Variants in PTDSS2 observed in about 807,000 individuals in gnomAD.
PTDSS2 encodes the protein phosphatidylserine synthase 2, also known as PSS-2.
PTDSS2 carries 41 observed loss-of-function variants against 64.7 expected under a neutral mutation model. That is an observed-to-expected ratio of 0.63 (90% CI 0.49 to 0.82). The LOEUF (loss-of-function observed/expected upper bound fraction) is 0.82, where lower values mean the gene tolerates loss of function less well. Ranked by LOEUF, PTDSS2 falls within the 40% of genes least tolerant of loss-of-function variation. The pLI, the probability that PTDSS2 is intolerant of heterozygous loss-of-function variation, is 0.00. For missense variants in PTDSS2, 485 were observed against 650.0 expected, an observed-to-expected ratio of 0.75 and a Z score of 2.76; for synonymous variants, 297 against 277.8, an observed-to-expected ratio of 1.07 and a Z score of -0.69.
At chr11:471,579 G>A (rs536053432) in intron 2 of PTDSS2, among the ~76,000 whole-genome samples, 80 of 152,016 alleles carry the variant, frequency 5.3e-4, no homozygotes, top group African/African-American at 1.8e-3. Context: ...GGCGGAGGGC[G>A]GCCTGGGGTG....
intron 1 of PTDSS2, chr11:451,515 GA>G: frequency 2.9e-6 from 1 of 340,752 alleles, no homozygotes; most frequent in Non-Finnish European, 6.3e-6. Context: ...CCATCCTGTG[GA>G]AGGCCCGGGG....
Position 489,927 on chromosome 11 carries a change from C to A in PTDSS2, c.1160C>A (p.Ala387Asp). Residue 387 changes from alanine (A) to aspartate (D), a missense_variant, in exon 11 of 12, where the codon GCC (alanine) becomes GAC (aspartate). Physicochemically the swap from Ala to Asp is moderately radical, Grantham distance 126. Transcript: ENST00000308020. ...GGCCCGCAGGCCTGGCTGGTGGCGGCCATCACGGCCACGGAGCTGCTCATC... is the reference window on the plus strand; with the variant it reads ...GGCCCGCAGGCCTGGCTGGTGGCGGACATCACGGCCACGGAGCTGCTCATC... ...KLGPQAWLVAAITATELLIVV... is the reference protein window; with the variant it reads ...KLGPQAWLVADITATELLIVV... 3.7e-6 allele frequency: 6 copies of A among 1,604,936 alleles called. No individual in the cohort carries two copies. Among genetic ancestry groups the A allele is most frequent in the Non-Finnish European group, 5.1e-6 (6 of 1,177,840 alleles).
intron 2 of PTDSS2, among the ~76,000 whole-genome samples, chr11:466,733 A>G (rs1241622362): frequency 5.3e-5 from 8 of 152,004 alleles, no homozygotes; most frequent in Admixed American, 1.3e-4. Flanking sequence ...TAAAACCATC[A>G]GCTCTCGTGA....
At chr11:472,045 C>G (rs1226899855) in intron 2 of PTDSS2, among the ~76,000 whole-genome samples, 13 of 127,414 alleles carry the variant, frequency 1.0e-4, no homozygotes, top group Non-Finnish European at 3.3e-5. Flanking sequence ...GCCTGTCGGG[C>G]GGATGGTGGC....
chr11:489,374 C>A, intron 8 of PTDSS2, 26 bp from the exon 9 acceptor site: 1 of 1,595,738 alleles, frequency 6.3e-7, no homozygotes. Flanking sequence ...CTGCCTTCCT[C>A]AGGCTGCCGG....
rs1848634079 is a variant in PTDSS2, at chr11:490,638, C to G, written c.*56C>G. On this transcript the variant is annotated 3_prime_UTR_variant, in exon 12 of 12. Coordinates refer to ENST00000308020, the MANE Select transcript of PTDSS2 (RefSeq NM_030783.3). ...AGAGCCCAGGCCTCCGTGGCCTCCTCCTGTGTGAGTCCCACCAGGAGCCAC... is the reference window on the plus strand; with the variant it reads ...AGAGCCCAGGCCTCCGTGGCCTCCTGCTGTGTGAGTCCCACCAGGAGCCAC... The G allele has an allele frequency of 2.7e-6, 4 of 1,502,670 alleles. No individual in the cohort carries two copies. The highest frequency in any genetic ancestry group is 3.6e-6 in the Non-Finnish European group (4 of 1,116,694). The allele number at this position is 1,502,670 out of a possible 1,614,324, so 93.1% of individuals were successfully genotyped here.
chr11:458,534 A>C (rs1478679315), intron 1 of PTDSS2: 1 of 100,372 alleles, frequency 1.0e-5, no homozygotes, highest in Non-Finnish European at 2.0e-5. Context: ...TTTTTTTGAG[A>C]CAGATCTTGC....
At chr11:488,781 G>A in intron 8 of PTDSS2, 134 bp downstream of exon 8, 1 of 690,026 alleles carries the variant, frequency 1.4e-6, no homozygotes, top group Non-Finnish European at 2.6e-6. Flanking sequence ...GTGGGGCTTT[G>A]CCTCCTGGAA....
rs375998427 is a variant in PTDSS2 at position 487,097 on chromosome 11, C to T, written c.570+24C>T. On this transcript the variant is annotated intron_variant, in intron 5 of 11. Coordinates refer to ENST00000308020, the MANE Select transcript of PTDSS2 (RefSeq NM_030783.3). ...GGGTAAGACGCCGGGGGCCCTGAGG[C>T]GAGCCCCTCCCCAGGTGTGGCCCCG... 3.5e-4 allele frequency: 555 copies of T among 1,602,778 alleles called. 1 individual carries two copies. Among genetic ancestry groups the T allele is most frequent in the Non-Finnish European group, 3.4e-4 (401 of 1,173,752 alleles).
In PTDSS2 at chr11:489,904, C is replaced by G. The variant is rs1848590536; in HGVS notation, c.1137C>G (p.Gly379=). The G allele has an allele frequency of 2.5e-6, 4 of 1,597,472 alleles. No individual in the cohort carries two copies. The African/African-American group carries it at 4.0e-5, about 16-fold the overall frequency. The change falls in exon 11 of 12, where the codon GGC becomes GGG. Residue 379 remains glycine (G), a synonymous_variant. Transcript: ENST00000308020. ...MDDPKPHKKL[G]PQAWLVAAIT... ...GCAGGAAGCCCCACAAGAAGCTGGGCCCGCAGGCCTGGCTGGTGGCGGCCA... is the reference window on the plus strand; with the variant it reads ...GCAGGAAGCCCCACAAGAAGCTGGGGCCGCAGGCCTGGCTGGTGGCGGCCA...
Position 450,558 on chromosome 11 carries a change from G to C in PTDSS2, c.103G>C (p.Gly35Arg), listed in dbSNP as rs1846268718. 8.0e-7 allele frequency: 1 copy of C among 1,242,872 alleles called. No individual in the cohort carries two copies. The highest frequency in any genetic ancestry group is 4.2e-5 in the Admixed American group (1 of 23,594). 77.0% of individuals were successfully genotyped at this position (1,242,872 alleles called of 1,614,324 possible). The change falls in exon 1 of 12, where the codon GGC (glycine) becomes CGC (arginine). Residue 35 changes from glycine (G) to arginine (R), a missense_variant. Coordinates refer to ENST00000308020, the MANE Select transcript of PTDSS2 (RefSeq NM_030783.3). ...LEEPPDGPSA[G>R]QATGPGEGRR... is the part of the protein sequence containing the mutation. ...GGAGCCGCCTGACGGGCCGTCTGCC[G>C]GCCAAGCCACCGGGCCGGGCGAGGG...
chr11:456,282 C>T (rs772355814), intron 1 of PTDSS2, among the ~76,000 whole-genome samples: 5 of 150,000 alleles, frequency 3.3e-5, no homozygotes, highest in Non-Finnish European at 5.9e-5. Context: ...AAGTAATCTC[C>T]CCTCACCCTC....
rs1847790752 is a variant in PTDSS2 at position 476,064 on chromosome 11, C to G, written c.367+2087C>G. On this transcript the variant is annotated intron_variant, in intron 3 of 11. Coordinates refer to ENST00000308020, the MANE Select transcript of PTDSS2 (RefSeq NM_030783.3). This position sits in a 1 kb window ranked among gnomAD's most constrained non-coding sequence, Gnocchi z 4.9. ...AGTGAAGCTCCCCCACCCACAGAGG[C>G]CCTGAGCAGGGAGCCGTCCGGTGAC... Among the ~76,000 whole-genome samples, 1 of 152,222 alleles carries G rather than the reference C, an allele frequency of 6.6e-6. No homozygotes were observed. The highest frequency in any genetic ancestry group is 1.5e-5 in the Non-Finnish European group (1 of 68,038).
At position 462,822 on chromosome 11, in the gene PTDSS2, C is replaced by T. The variant is rs1217458563; in HGVS notation, c.284+2534C>T. The T allele has an allele frequency of 1.3e-5, 2 of 152,242 alleles. No homozygotes were observed. Among genetic ancestry groups the T allele is most frequent in the East Asian group, 3.9e-4 (2 of 5,194 alleles). 9.4% of individuals were successfully genotyped at this position (152,242 alleles called of 1,614,324 possible). A position where few individuals can be genotyped will look rare whatever the true frequency, so the allele number is the denominator to read the frequency against. ...CCAGAAGGCTGTGGGGGCTGGTTTA[C>T]TTTTAATACTAGAATTATCTGATGT... On this transcript the variant is annotated intron_variant, in intron 2 of 11. Transcript: ENST00000308020. The surrounding 1 kb of genome is among the most constrained non-coding windows in gnomAD (Gnocchi z 4.5).
intron 2 of PTDSS2, among the ~76,000 whole-genome samples, chr11:468,054 G>A (rs955537373): frequency 1.4e-4 from 21 of 152,082 alleles, no homozygotes; most frequent in Non-Finnish European, 2.2e-4. Context: ...TCTCAAGCCC[G>A]GAAGGCAGAG....
chr11:481,001 C>A (rs1848045794), intron 4 of PTDSS2, among the ~76,000 whole-genome samples: 2 of 151,700 alleles, frequency 1.3e-5, no homozygotes, highest in African/African-American at 4.8e-5. Flanking sequence ...AGTGAATGGC[C>A]TGAACCCGGG....
rs750229962 is a variant in PTDSS2 at position 489,650 on chromosome 11, C to T, written c.1032C>T (p.His344=). Reference sequence around the variant, plus strand: ...TTGTGCTGTGGATGCCCCCGGAGCACTACCTGGTCCTCCTGCGGCTCGTCT... The same window carrying T: ...TTGTGCTGTGGATGCCCCCGGAGCATTACCTGGTCCTCCTGCGGCTCGTCT... ...LKFVLWMPPE[H]YLVLLRLVFF... Residue 344 remains histidine, a synonymous_variant, in exon 10 of 12, where the codon CAC becomes CAT. Coordinates refer to ENST00000308020, the MANE Select transcript of PTDSS2 (RefSeq NM_030783.3). 5 of 1,600,376 alleles carry T rather than the reference C, an allele frequency of 3.1e-6. No homozygotes were observed. In the East Asian group the frequency reaches 6.8e-5, roughly 22 times the overall value.
rs1156842584 is a variant in PTDSS2 at position 490,143 on chromosome 11, TTTGGTGTCG to T, written c.1301+84_1301+92del. 4.8e-6 allele frequency: 7 copies of T among 1,451,190 alleles called. No individual in the cohort carries two copies. In the African/African-American group the frequency reaches 8.4e-5, roughly 17 times the overall value. The allele number at this position is 1,451,190 out of a possible 1,614,324, so 89.9% of individuals were successfully genotyped here. A position where few individuals can be genotyped will look rare whatever the true frequency, so the allele number is the denominator to read the frequency against. On this transcript the variant is annotated intron_variant, in intron 11 of 11. Coordinates refer to ENST00000308020, the MANE Select transcript of PTDSS2 (RefSeq NM_030783.3). Reference sequence around the variant, plus strand: ...TCCCTTGGCACAGGCACTGTGGGAGTTTGGTGTCGTTGGTGTCTCACTGTCCCTGCTTCA... The same window carrying T: ...TCCCTTGGCACAGGCACTGTGGGAGTTTGGTGTCTCACTGTCCCTGCTTCA...
intron 1 of PTDSS2, 39 bp downstream of exon 1, chr11:450,676 C>G (rs1034046850): frequency 8.1e-6 from 10 of 1,240,342 alleles, no homozygotes; most frequent in Non-Finnish European, 1.0e-6. Context: ...CGAGGGTGCC[C>G]TCGACCTGGG....
Sources: allele counts gnomAD v4.1 joint callset (sites outside exome capture counted in the v4.1 genomes callset), GRCh38; gene constraint gnomAD v4.1.1; non-coding constraint Gnocchi (gnomAD v3.1); transcripts MANE v1.5; gene names NCBI Gene and HGNC (gene_info 2026-07-23, HGNC 2026-07-21).